Variants in PPP1R9A observed in about 807,000 individuals in gnomAD.
PPP1R9A encodes protein phosphatase 1 regulatory subunit 9A.
In PPP1R9A, 59 loss-of-function variants were observed where a neutral mutation model predicts 141.9. The observed-to-expected ratio is 0.42, with a 90% CI of 0.34 to 0.52. The LOEUF is 0.52. PPP1R9A is among the 20% of genes least tolerant of loss of function. The pLI is 0.10. For synonymous variants in PPP1R9A, 500 were observed against 569.7 expected (o/e 0.88, Z 1.74); for missense variants, 1,444 against 1,611.9 (o/e 0.90, Z 1.78).
rs1466867963 is a variant in PPP1R9A, at chr7:95,133,514, TA to T, written c.1649+12683del. ...TTAAGGATATATTATGCAGTCGTAT[TA>T]TATATATATATATATATATATATAT... On this transcript the variant is annotated intron_variant, in intron 4 of 19. Coordinates refer to ENST00000433360, the MANE Select transcript of PPP1R9A (RefSeq NM_001166160.2). Among the ~76,000 whole-genome samples the T allele has an allele frequency of 7.7e-3, 11 of 1,420 alleles. No individual in the cohort carries two copies. In the East Asian group the frequency reaches 0.25, roughly 32 times the overall value. The allele number at this position is 1,420 out of a possible 152,430, so 0.9% of individuals were successfully genotyped here.
chr7:95,236,278 G>A (rs1343781933), intron 8 of PPP1R9A, among the ~76,000 whole-genome samples: 4 of 151,932 alleles, frequency 2.6e-5, no homozygotes, highest in Non-Finnish European at 4.4e-5. Flanking sequence ...AGAAAGTTCC[G>A]TTCCTGGAAG....
intron 2 of PPP1R9A, among the ~76,000 whole-genome samples, chr7:94,953,458 A>G (rs1328003823): frequency 6.6e-6 from 1 of 152,106 alleles, no homozygotes; most frequent in Non-Finnish European, 1.5e-5. Flanking sequence ...TTTTGCTTCC[A>G]TATGAAACTT....
intron 2 of PPP1R9A, among the ~76,000 whole-genome samples, chr7:94,939,783 T>C (rs982541611): frequency 2.7e-5 from 4 of 145,896 alleles, no homozygotes; most frequent in African/African-American, 1.0e-4. Context: ...TATATATATA[T>C]GTATATATAT....
At chr7:94,998,115 AT>A (rs1802422987) in intron 2 of PPP1R9A, among the ~76,000 whole-genome samples, 1 of 152,220 alleles carries the variant, frequency 6.6e-6, no homozygotes, top group Admixed American at 6.5e-5. Context: ...TTGAATAAAT[AT>A]AACCTGAGGT....
At chr7:95,182,508 T>G (rs1025072406) in intron 5 of PPP1R9A, among the ~76,000 whole-genome samples, 1 of 152,252 alleles carries the variant, frequency 6.6e-6, no homozygotes, top group African/African-American at 2.4e-5. Flanking sequence ...AAAATGTTTT[T>G]ACTTTATTTA....
At chr7:95,104,961 C>A (rs1309016010) in intron 2 of PPP1R9A, among the ~76,000 whole-genome samples, 2 of 126,618 alleles carry the variant, frequency 1.6e-5, no homozygotes, top group South Asian at 4.4e-4. Context: ...TTTGGCTTAT[C>A]TCCAGGAGCA....
At chr7:95,196,473 C>T (rs556597843) in intron 5 of PPP1R9A, among the ~76,000 whole-genome samples, 1 of 152,158 alleles carries the variant, frequency 6.6e-6, no homozygotes, top group Admixed American at 6.5e-5. Flanking sequence ...CATTATTTGT[C>T]TAAAGGAAAT....
At chr7:95,220,924 T>C (rs926287897) in intron 7 of PPP1R9A, among the ~76,000 whole-genome samples, 1 of 152,044 alleles carries the variant, frequency 6.6e-6, no homozygotes, top group East Asian at 1.9e-4. Flanking sequence ...GAAGTTTTCT[T>C]GGGCTTGGGT....
chr7:95,292,534 T>A lies in PPP1R9A; in HGVS notation c.*2231T>A, dbSNP rs924000882. 1 of 152,552 alleles carries A rather than the reference T, an allele frequency of 6.6e-6. No individual in the cohort carries two copies. The highest frequency in any genetic ancestry group is 6.5e-5 in the Admixed American group (1 of 15,282). The allele number at this position is 152,552 out of a possible 1,614,324, so 9.4% of individuals were successfully genotyped here. Reference sequence around the variant, plus strand: ...TCTTGTTTTTGCACCTAATTTATGATCTATTATATTGCATTTTCTTAAATA... The same window carrying A: ...TCTTGTTTTTGCACCTAATTTATGAACTATTATATTGCATTTTCTTAAATA... On this transcript the variant is annotated 3_prime_UTR_variant, in exon 20 of 20. Transcript: ENST00000433360.
At chr7:94,933,406 A>G (rs1175351346) in intron 2 of PPP1R9A, among the ~76,000 whole-genome samples, 2 of 152,164 alleles carry the variant, frequency 1.3e-5, no homozygotes, top group Non-Finnish European at 2.9e-5. Flanking sequence ...GTCATGACTG[A>G]ATTTAGGTAG....
At chr7:95,151,974 A>G (rs1233924899) in intron 4 of PPP1R9A, among the ~76,000 whole-genome samples, 1 of 64,832 alleles carries the variant, frequency 1.5e-5, no homozygotes, top group Non-Finnish European at 2.6e-5. Flanking sequence ...TTTTTTTGAG[A>G]CTGTGTCTCA....
chr7:95,096,171 T>C (rs1161045823), intron 2 of PPP1R9A, among the ~76,000 whole-genome samples: 1 of 152,210 alleles, frequency 6.6e-6, no homozygotes, highest in Non-Finnish European at 1.5e-5. Flanking sequence ...GGATTTTAGA[T>C]AGGCCTTTAC....
intron 12 of PPP1R9A, among the ~76,000 whole-genome samples, chr7:95,256,208 A>G (rs528907039): frequency 4.1e-4 from 62 of 151,344 alleles, no homozygotes; most frequent in African/African-American, 1.5e-3. Flanking sequence ...AAAAAAAGTG[A>G]CATTGAAAGC....
At chr7:95,279,769 G>A (rs576903470) in intron 16 of PPP1R9A, among the ~76,000 whole-genome samples, 2 of 152,250 alleles carry the variant, frequency 1.3e-5, no homozygotes, top group South Asian at 2.1e-4. Flanking sequence ...ACATTTTAAG[G>A]TAGAATCAGT....
intron 4 of PPP1R9A, among the ~76,000 whole-genome samples, chr7:95,149,347 T>C (rs764306125): frequency 6.6e-6 from 1 of 152,158 alleles, no homozygotes; most frequent in Non-Finnish European, 1.5e-5. Flanking sequence ...TAGACAATGA[T>C]ATCCTTTCTT....
chr7:95,009,341 A>G (rs886368402), intron 2 of PPP1R9A, among the ~76,000 whole-genome samples: 4 of 152,206 alleles, frequency 2.6e-5, no homozygotes, highest in Non-Finnish European at 5.9e-5. Context: ...GCTTTAAAGA[A>G]AGAGGTTGCT....
At chr7:95,057,066 A>G (rs1432303869) in intron 2 of PPP1R9A, among the ~76,000 whole-genome samples, 1 of 152,146 alleles carries the variant, frequency 6.6e-6, no homozygotes, top group Non-Finnish European at 1.5e-5. Flanking sequence ...TAGAAAAGAA[A>G]AAGAGGAATT....
At chr7:95,109,420 A>C (rs1309252706) in intron 2 of PPP1R9A, among the ~76,000 whole-genome samples, 1 of 152,230 alleles carries the variant, frequency 6.6e-6, no homozygotes, top group Non-Finnish European at 1.5e-5. Context: ...GCACAATGTC[A>C]AACATGAGTT....
At chr7:95,171,556 G>T (rs1279784860) in intron 5 of PPP1R9A, among the ~76,000 whole-genome samples, 1 of 151,504 alleles carries the variant, frequency 6.6e-6, no homozygotes, top group Admixed American at 6.6e-5. Flanking sequence ...ATATTATGAA[G>T]AACTTTATGC....
Sources: allele counts gnomAD v4.1 joint callset (sites outside exome capture counted in the v4.1 genomes callset), GRCh38; gene constraint gnomAD v4.1.1; transcripts MANE v1.5; gene names NCBI Gene and HGNC (gene_info 2026-07-23, HGNC 2026-07-21).